Variants in SPAG17 observed in about 807,000 individuals in gnomAD.
SPAG17 encodes sperm-associated antigen 17.
A neutral mutation model predicts 273.6 loss-of-function variants in SPAG17; 169 were observed. The observed-to-expected ratio is 0.62, with a 90% CI of 0.55 to 0.70. The LOEUF (loss-of-function observed/expected upper bound fraction) is 0.70, where lower values mean the gene tolerates loss of function less well. Ranked by LOEUF, SPAG17 falls within the 30% of genes least tolerant of loss-of-function variation. The pLI, the probability that SPAG17 is intolerant of heterozygous loss-of-function variation, is 0.00. For missense variants in SPAG17, 2,557 were observed against 2,627.8 expected (o/e 0.97, Z 0.59); for synonymous variants, 825 against 873.2 (o/e 0.94, Z 0.97).
intron 19 of SPAG17, 119 bp downstream of exon 19, chr1:118,055,614 C>T (rs1187258583): frequency 4.1e-5 from 33 of 801,334 alleles, no homozygotes; most frequent in Non-Finnish European, 6.5e-5. Context: ...TGAAGAGTCA[C>T]AGGAACTTTT....
At chr1:118,133,368 C>T (rs552752329) in intron 3 of SPAG17, among the ~76,000 whole-genome samples, 6 of 152,004 alleles carry the variant, frequency 3.9e-5, no homozygotes, top group East Asian at 1.9e-4. Flanking sequence ...GGCAAGTGGA[C>T]GTAAGTGTGG....
At chr1:118,020,069 A>G (rs911744070) in intron 28 of SPAG17, among the ~76,000 whole-genome samples, 22 of 152,342 alleles carry the variant, frequency 1.4e-4, no homozygotes, top group African/African-American at 5.0e-4. Flanking sequence ...AAGGTATTAA[A>G]TAGTAGCTGG....
intron 24 of SPAG17, among the ~76,000 whole-genome samples, chr1:118,032,593 T>TTTA (rs942377966): frequency 4.6e-5 from 7 of 151,734 alleles, no homozygotes; most frequent in African/African-American, 1.7e-4. Context: ...TTTATTTTTA[T>TTTA]TTATTATTAT....
chr1:118,167,216 T>C (rs1392979920), intron 1 of SPAG17, among the ~76,000 whole-genome samples: 1 of 152,222 alleles, frequency 6.6e-6, no homozygotes, highest in Non-Finnish European at 1.5e-5. Context: ...CTCTGATTTT[T>C]TTAAAAGTGT....
intron 39 of SPAG17, 82 bp downstream of exon 39, chr1:117,988,023 A>G (rs1192167693): frequency 8.4e-6 from 12 of 1,435,438 alleles, no homozygotes; most frequent in Non-Finnish European, 9.5e-7. Context: ...GTAGTCACCA[A>G]AAGTTATAGC....
chr1:118,083,890 G>C (rs1570660851), intron 13 of SPAG17, among the ~76,000 whole-genome samples: 2 of 152,122 alleles, frequency 1.3e-5, no homozygotes, highest in East Asian at 3.9e-4. Flanking sequence ...GACAAATTTA[G>C]GGATGAGGAA....
intron 27 of SPAG17, among the ~76,000 whole-genome samples, chr1:118,024,370 C>T (rs150812656): frequency 2.6e-5 from 4 of 152,096 alleles, no homozygotes; most frequent in Non-Finnish European, 4.4e-5. Context: ...TTTTCCTTAG[C>T]GACTTTTTAA....
At chr1:117,973,035 CAGT>C (rs1654746408) in intron 44 of SPAG17, among the ~76,000 whole-genome samples, 1 of 152,084 alleles carries the variant, frequency 6.6e-6, no homozygotes, top group Non-Finnish European at 1.5e-5. Flanking sequence ...TTCCTTTAGC[CAGT>C]AGTAGTATGC....
intron 32 of SPAG17, among the ~76,000 whole-genome samples, chr1:117,997,810 T>G (rs1340417837): frequency 1.3e-5 from 2 of 152,140 alleles, no homozygotes; most frequent in Non-Finnish European, 2.9e-5. Flanking sequence ...GTATTTCCTA[T>G]AATTTTATTG....
chr1:118,005,463 GTA>G lies in SPAG17; in HGVS notation c.4725_4726del (p.Thr1576PhefsTer6), dbSNP rs1188170345. 1 of 1,613,562 alleles carries G rather than the reference GTA, an allele frequency of 6.2e-7. No individual in the cohort carries two copies. Among genetic ancestry groups the G allele is most frequent in the Non-Finnish European group, 8.5e-7 (1 of 1,179,702 alleles). On this transcript the variant is annotated frameshift_variant, in exon 32 of 49. Coordinates refer to ENST00000336338, the MANE Select transcript of SPAG17 (RefSeq NM_206996.4). LOFTEE classifies it high-confidence loss of function. ...CAGAACCTCACAGATAACCTCTGAA[GTA>G]TGCCTCATGATGTACCTGCCAGCTC...
At chr1:118,066,928 A>G (rs201431779) in intron 17 of SPAG17, 29 bp from the exon 18 acceptor site, 6 of 1,579,494 alleles carry the variant, frequency 3.8e-6, no homozygotes, top group Admixed American at 1.9e-5. Context: ...GCATTGTAGA[A>G]TCTTTTTTAT....
At chr1:118,145,603 G>T (rs536084398) in intron 3 of SPAG17, among the ~76,000 whole-genome samples, 360 of 151,946 alleles carry the variant, frequency 2.4e-3, no homozygotes, top group Non-Finnish European at 4.2e-3. Flanking sequence ...CACATTTGAT[G>T]GTCTCCCGGT....
Position 117,973,515 on chromosome 1 carries a change from C to T in SPAG17, c.6051G>A (p.Leu2017=). The change falls in exon 44 of 49, where the codon CTG becomes CTA. Residue 2017 remains leucine (L), a synonymous_variant. Coordinates refer to ENST00000336338, the MANE Select transcript of SPAG17 (RefSeq NM_206996.4). ...TTCTTGTTTGTCCCGCAACATCCTG[C>T]AGCAAGGACTGGGTTGGAATTTTCA... ...EPVKIPTQSL[L]QDVAGQTRKE... 2 of 1,614,056 alleles carry T rather than the reference C, an allele frequency of 1.2e-6. No individual in the cohort carries two copies. Among genetic ancestry groups the T allele is most frequent in the East Asian group, 2.2e-5 (1 of 44,876 alleles).
chr1:117,961,816 TAGGC>T (rs1272160362), intron 48 of SPAG17: 3 of 152,534 alleles, frequency 2.0e-5, no homozygotes, highest in Non-Finnish European at 4.4e-5. Flanking sequence ...GGCAAGAGAA[TAGGC>T]AGGCAGGATA....
chr1:118,062,764 A>G (rs1340008863), intron 18 of SPAG17, among the ~76,000 whole-genome samples: 1 of 152,204 alleles, frequency 6.6e-6, no homozygotes, highest in Non-Finnish European at 1.5e-5. Flanking sequence ...GATTTAAAAA[A>G]TACATCACTA....
intron 3 of SPAG17, among the ~76,000 whole-genome samples, chr1:118,126,043 G>T (rs200523853): frequency 2.3e-4 from 32 of 136,696 alleles, no homozygotes; most frequent in East Asian, 1.1e-3. Flanking sequence ...GTTATTTTCT[G>T]TTTTTTTTTT....
intron 43 of SPAG17, among the ~76,000 whole-genome samples, chr1:117,980,658 C>CA (rs1436672133): frequency 6.6e-6 from 1 of 152,154 alleles, no homozygotes; most frequent in Non-Finnish European, 1.5e-5. Flanking sequence ...CAAGTGGTGG[C>CA]AAAATCATCT....
rs781563447 is a variant in SPAG17, at chr1:117,991,434, T to A, written c.5456A>T (p.Asp1819Val). 5.0e-6 allele frequency: 8 copies of A among 1,607,174 alleles called. No homozygotes were observed. The African/African-American group carries it at 9.4e-5, about 19-fold the overall frequency. ...TCTCACCATAACCAGCTTGAGGAGATCAGCAGCATTGCCTCTCTCCTCCTC... is the reference window on the plus strand; with the variant it reads ...TCTCACCATAACCAGCTTGAGGAGAACAGCAGCATTGCCTCTCTCCTCCTC... ...RTEEERGNAA[D>V]LLKLVMSFPK... The change falls in exon 37 of 49, where the codon GAT becomes GTT. Residue 1819 changes from aspartate (D) to valine (V), a missense_variant. Coordinates refer to ENST00000336338, the MANE Select transcript of SPAG17 (RefSeq NM_206996.4).
chr1:118,037,745 A>G (rs1005253164), intron 23 of SPAG17, among the ~76,000 whole-genome samples: 8 of 152,180 alleles, frequency 5.3e-5, no homozygotes, highest in Non-Finnish European at 1.0e-4. Context: ...CCAGTCCACC[A>G]CTAATGAGCA....
Sources: gnomAD v4.1 joint callset for allele counts (sites outside exome capture counted in the v4.1 genomes callset) on GRCh38, gnomAD v4.1.1 for gene constraint, MANE v1.5 for transcripts, NCBI Gene and HGNC (gene_info 2026-07-23, HGNC 2026-07-21) for gene names.